Variants in SVEP1 observed in about 807,000 individuals in gnomAD.
SVEP1 encodes sushi, von Willebrand factor type A, EGF and pentraxin domain containing 1.
In SVEP1, 164 loss-of-function variants were observed where a neutral mutation model predicts 367.3. The ratio of observed to expected loss-of-function variants is 0.45; its 90% CI spans 0.39 to 0.51. The LOEUF (loss-of-function observed/expected upper bound fraction) is 0.51. Ranked by LOEUF, SVEP1 falls within the 20% of genes least tolerant of loss-of-function variation. SVEP1 has a pLI of 0.00. For missense variants in SVEP1, 4,117 were observed against 4,425.3 expected (o/e 0.93, Z 1.98); for synonymous variants, 1,666 against 1,611.6 (o/e 1.03, Z -0.81).
chr9:110,552,663 G>A (rs943251971), intron 1 of SVEP1, among the ~76,000 whole-genome samples: 2 of 152,026 alleles, frequency 1.3e-5, no homozygotes, highest in Non-Finnish European at 2.9e-5. Context: ...ACGCTCCTAT[G>A]AGAATCTAAT....
At chr9:110,375,011 C>T (rs1322831105) in intron 46 of SVEP1, among the ~76,000 whole-genome samples, 2 of 149,808 alleles carry the variant, frequency 1.3e-5, no homozygotes, top group Non-Finnish European at 3.0e-5. Flanking sequence ...CTTGTTCTTT[C>T]TAAAGAGTAA....
chr9:110,444,187 T>A (rs1282494808), intron 26 of SVEP1, among the ~76,000 whole-genome samples: 2 of 152,234 alleles, frequency 1.3e-5, no homozygotes, highest in African/African-American at 4.8e-5. Context: ...GTTGCTGCTA[T>A]GGTTTGAATA....
chr9:110,400,023 G>A (rs554375739), intron 40 of SVEP1, among the ~76,000 whole-genome samples: 1 of 152,324 alleles, frequency 6.6e-6, no homozygotes, highest in South Asian at 2.1e-4. Context: ...TGCTGCGGAA[G>A]GGATTTTAAT....
rs1354760174 is a variant in SVEP1 at position 110,377,336 on chromosome 9, C to T, written c.10439G>A (p.Gly3480Asp). ...ACAAGCATTTGGGCGTTGGCAGATG[C>T]CCCCATTCTGACATGGAAATCGACA... The part of the protein sequence containing the change: ...AVCRFPCQNG[G>D]ICQRPNACSC... The change falls in exon 45 of 48, where the codon GGC (glycine) becomes GAC (aspartate). Residue 3480 changes from glycine (G) to aspartate (D), a missense_variant. Around this residue, in one of 4 missense-constraint regions of SVEP1, gnomAD observed 1,765 missense variants for 1,781.1 expected, o/e 0.99. Coordinates refer to ENST00000374469, the MANE Select transcript of SVEP1 (RefSeq NM_153366.4). The T allele has an allele frequency of 1.2e-6, 2 of 1,613,778 alleles. No individual in the cohort carries two copies. Among genetic ancestry groups the T allele is most frequent in the South Asian group, 1.1e-5 (1 of 91,074 alleles).
Position 110,430,331 on chromosome 9 carries a change from T to C in SVEP1, c.5473A>G (p.Thr1825Ala). ...CQEGYQLMGV[T>A]KITCLESGEW... ...CCAGACTCCAAACATGTGATTTTGG[T>C]TACTCCCATCAACTGGTATCCTTCC... The change falls in exon 33 of 48, where the codon ACC becomes GCC. Residue 1825 changes from threonine (T) to alanine (A), a missense_variant. Around this residue, in one of 4 missense-constraint regions of SVEP1, gnomAD observed 2,174 missense variants for 2,494.3 expected, o/e 0.87. Transcript: ENST00000374469. The C allele has an allele frequency of 6.2e-7, 1 of 1,613,526 alleles. No homozygotes were observed. Among genetic ancestry groups the C allele is most frequent in the Non-Finnish European group, 8.5e-7 (1 of 1,179,728 alleles).
intron 1 of SVEP1, among the ~76,000 whole-genome samples, chr9:110,565,854 C>G (rs1194633489): frequency 1.3e-5 from 2 of 151,990 alleles, no homozygotes; most frequent in East Asian, 3.9e-4. Context: ...TCTACTAGAT[C>G]TGACAACATG....
At chr9:110,416,934 C>G (rs539834419) in intron 36 of SVEP1, among the ~76,000 whole-genome samples, 1 of 152,068 alleles carries the variant, frequency 6.6e-6, no homozygotes. Context: ...ATCTTCCCCC[C>G]AGTTGTGACA....
chr9:110,555,876 TTATACCCCA>T lies in SVEP1; in HGVS notation c.532-5781_532-5773del, dbSNP rs1830351584. Among the ~76,000 whole-genome samples, 3 of 152,186 alleles carry T rather than the reference TTATACCCCA, an allele frequency of 2.0e-5. No homozygotes were observed. The South Asian group carries it at 6.2e-4, about 32-fold the overall frequency. On this transcript the variant is annotated intron_variant, in intron 1 of 47. Coordinates refer to ENST00000374469, the MANE Select transcript of SVEP1 (RefSeq NM_153366.4). Reference sequence around the variant, plus strand: ...AAACATTAATTCAATCAAAACGTTTTTATACCCCAGATTTAAGAAGTAAATAGATCTGTG... The same window carrying T: ...AAACATTAATTCAATCAAAACGTTTTGATTTAAGAAGTAAATAGATCTGTG...
At chr9:110,473,329 A>G (rs1829048920) in intron 14 of SVEP1, among the ~76,000 whole-genome samples, 1 of 152,220 alleles carries the variant, frequency 6.6e-6, no homozygotes, top group Non-Finnish European at 1.5e-5. Flanking sequence ...TGTATTAAAA[A>G]TTACTACAAT....
chr9:110,386,160 G>A, intron 42 of SVEP1, 86 bp from the exon 43 acceptor site: 1 of 1,422,970 alleles, frequency 7.0e-7, no homozygotes, highest in South Asian at 1.4e-5. Context: ...AGTCCTATAA[G>A]AGATGGGTTC....
rs147941027 is a variant in SVEP1, at chr9:110,552,568, A to G, written c.532-2464T>C. Among the ~76,000 whole-genome samples the G allele has an allele frequency of 7.0e-3, 1,072 of 152,284 alleles. 15 individuals carry two copies. The highest frequency in any genetic ancestry group is 0.024 in the African/African-American group (1,009 of 41,566). On this transcript the variant is annotated intron_variant, in intron 1 of 47. Transcript: ENST00000374469. ...GGAGCACTCAACTTGTTTTCCTGCA[A>G]CTAGATGGTCCCATCTGGGAGTGAT... is the stretch of plus-strand genomic sequence containing the variant.
chr9:110,476,424 G>A, intron 13 of SVEP1, 109 bp from the exon 14 acceptor site: 2 of 789,336 alleles, frequency 2.5e-6, no homozygotes, highest in East Asian at 2.5e-5. Context: ...AGGGAAGGGA[G>A]GGCCCCAGAG....
intron 25 of SVEP1, among the ~76,000 whole-genome samples, 153 bp from the exon 26 acceptor site, chr9:110,446,191 A>G (rs1158046743): frequency 6.6e-6 from 1 of 152,264 alleles, no homozygotes; most frequent in African/African-American, 2.4e-5. Context: ...TTTACAAAAT[A>G]CATAGTGCAT....
In SVEP1 at chr9:110,499,408, C is replaced by A. The variant is rs189112185; in HGVS notation, c.1484-170G>T. 1.3e-4 allele frequency among the ~76,000 whole-genome samples: 20 copies of A among 152,228 alleles called. No homozygotes were observed. The East Asian group carries it at 3.9e-3, about 29-fold the overall frequency. On this transcript the variant is annotated intron_variant, in intron 6 of 47. Coordinates refer to ENST00000374469, the MANE Select transcript of SVEP1 (RefSeq NM_153366.4). The stretch of plus-strand genomic sequence containing the variant: ...TATAATATATTGTAAATAATGCTAA[C>A]CTATACCTCTTTAGTTATCTTTTGC...
At chr9:110,432,740 G>T (rs1441789754) in intron 30 of SVEP1, 105 bp from the exon 31 acceptor site, 8 of 1,327,296 alleles carry the variant, frequency 6.0e-6, no homozygotes, top group Non-Finnish European at 8.2e-6. Flanking sequence ...CATTTTTACT[G>T]AATGCAAACA....
intron 19 of SVEP1, 62 bp downstream of exon 19, chr9:110,458,890 A>G (rs1386083581): frequency 1.0e-5 from 16 of 1,565,290 alleles, no homozygotes; most frequent in Non-Finnish European, 1.3e-5. Flanking sequence ...TGAAGCTACA[A>G]CAGAGACAGG....
At chr9:110,526,360 A>G (rs1174969182) in intron 3 of SVEP1, among the ~76,000 whole-genome samples, 1 of 152,150 alleles carries the variant, frequency 6.6e-6, no homozygotes, top group African/African-American at 2.4e-5. Flanking sequence ...CAATTAGACA[A>G]TGAACAAAAG....
chr9:110,547,166 T>C (rs968102560), intron 2 of SVEP1, among the ~76,000 whole-genome samples: 1 of 151,980 alleles, frequency 6.6e-6, no homozygotes, highest in African/African-American at 2.4e-5. Context: ...TGCATCTAGA[T>C]AGGGGCAAAG....
chr9:110,367,924 T>C lies in SVEP1; in HGVS notation c.10695-1364A>G, dbSNP rs141186679. On this transcript the variant is annotated intron_variant, in intron 47 of 47. Transcript: ENST00000374469. Reference sequence around the variant, plus strand: ...AGTGAACCCTCATCTCTACTAAAAATACAAAAATTAGGTGGGTGTGGTGGC... The same window carrying C: ...AGTGAACCCTCATCTCTACTAAAAACACAAAAATTAGGTGGGTGTGGTGGC... 2.0e-3 allele frequency among the ~76,000 whole-genome samples: 306 copies of C among 152,082 alleles called. 1 individual carries two copies. The highest frequency in any genetic ancestry group is 5.4e-3 in the African/African-American group (226 of 41,492).
Sources: gnomAD v4.1 joint callset for allele counts (sites outside exome capture counted in the v4.1 genomes callset) on GRCh38, gnomAD v4.1.1 for gene constraint, gnomAD v4.1.1 regional missense constraint, MANE v1.5 for transcripts, NCBI Gene and HGNC (gene_info 2026-07-23, HGNC 2026-07-21) for gene names.